The following CYFIP2 variants were observed in gnomAD, a reference collection of about 807,000 sequenced individuals.
The protein encoded by CYFIP2 is cytoplasmic FMR1-interacting protein 2.
Under a neutral mutation model 158.7 loss-of-function variants are expected in CYFIP2, and 29 were observed. The ratio of observed to expected loss-of-function variants is 0.18; its 90% CI spans 0.14 to 0.25. The LOEUF (loss-of-function observed/expected upper bound fraction) is 0.25. CYFIP2 is among the 10% of genes least tolerant of loss of function. The pLI, the probability that CYFIP2 is intolerant of heterozygous loss-of-function variation, is 1.00. For missense variants in CYFIP2, 852 were observed against 1,639.5 expected (o/e 0.52, Z 8.29); for synonymous variants, 585 against 617.6 (o/e 0.95, Z 0.78).
chr5:157,386,323 T>C (rs368524235), intron 28 of CYFIP2, among the ~76,000 whole-genome samples: 2 of 152,182 alleles, frequency 1.3e-5, no homozygotes, highest in East Asian at 3.9e-4. Flanking sequence ...GCTCAAGCAA[T>C]CTTCCTGCCT....
intron 21 of CYFIP2, among the ~76,000 whole-genome samples, chr5:157,334,700 T>C (rs879727325): frequency 6.8e-6 from 1 of 147,458 alleles, no homozygotes; most frequent in Admixed American, 6.7e-5. Context: ...AAAAAAAAAG[T>C]GAATGATACT....
chr5:157,326,013 G>C (rs1383671699), intron 17 of CYFIP2, 158 bp from the exon 18 acceptor site: 1 of 626,718 alleles, frequency 1.6e-6, no homozygotes, highest in African/African-American at 1.8e-5. Flanking sequence ...TGTAAAGTAA[G>C]TTGCTTCTAA....
intron 1 of CYFIP2, among the ~76,000 whole-genome samples, chr5:157,281,556 G>A (rs1756990343): frequency 6.6e-6 from 1 of 152,108 alleles, no homozygotes; most frequent in Non-Finnish European, 1.5e-5. Context: ...AGATGTCTTT[G>A]TGATCCATCA....
Position 157,285,487 on chromosome 5 carries a change from A to T in CYFIP2, c.117+9A>T. On this transcript the variant is annotated intron_variant, in intron 2 of 30. Transcript: ENST00000620254. ...CCTCCATCATGTACCAGGTAATGGAAATGGTAGATAGCACCAGGGGGCCCA... is the reference window on the plus strand; with the variant it reads ...CCTCCATCATGTACCAGGTAATGGATATGGTAGATAGCACCAGGGGGCCCA... The T allele has an allele frequency of 6.4e-7, 1 of 1,557,876 alleles. No homozygotes were observed. Among genetic ancestry groups the T allele is most frequent in the Non-Finnish European group, 8.7e-7 (1 of 1,150,052 alleles).
At chr5:157,374,375 G>T (rs1321053636) in intron 26 of CYFIP2, among the ~76,000 whole-genome samples, 1 of 152,148 alleles carries the variant, frequency 6.6e-6, no homozygotes, top group Non-Finnish European at 1.5e-5. Context: ...AACAATCTCT[G>T]ATTCTGCAGT....
intron 16 of CYFIP2, among the ~76,000 whole-genome samples, chr5:157,324,453 G>T (rs1326549199): frequency 1.3e-5 from 2 of 152,228 alleles, no homozygotes; most frequent in South Asian, 2.1e-4. Context: ...CTCTCGAGCT[G>T]CATCCCAGTC....
In CYFIP2 at chr5:157,341,097, C is replaced by T. The variant is rs1164973876; in HGVS notation, c.2613C>T (p.Thr871=). The part of the protein sequence containing the change: ...NRFVRTAIPF[T]QEPQRDKPAN... ...TTGTGCGGACTGCCATTCCTTTCACCCAAGAACCACAACGAGACAAACCTG... is the reference window on the plus strand; with the variant it reads ...TTGTGCGGACTGCCATTCCTTTCACTCAAGAACCACAACGAGACAAACCTG... The change falls in exon 23 of 31, where the codon ACC becomes ACT. Residue 871 remains threonine, a synonymous_variant. Transcript: ENST00000620254. 6.2e-7 allele frequency: 1 copy of T among 1,613,946 alleles called. No homozygotes were observed. Among genetic ancestry groups the T allele is most frequent in the South Asian group, 1.1e-5 (1 of 91,076 alleles).
intron 9 of CYFIP2, among the ~76,000 whole-genome samples, chr5:157,309,194 T>A (rs1759496326): frequency 6.6e-6 from 1 of 152,234 alleles, no homozygotes; most frequent in South Asian, 2.1e-4. Context: ...TTAAAGTGCT[T>A]GGCATAGTAC....
At chr5:157,296,593 C>A in intron 4 of CYFIP2, 80 bp from the exon 5 acceptor site, 1 of 1,380,916 alleles carries the variant, frequency 7.2e-7, no homozygotes, top group Admixed American at 1.7e-5. Flanking sequence ...GACCCTGTCT[C>A]AAAAACAAAA....
chr5:157,281,949 C>T (rs1757022265), intron 1 of CYFIP2, among the ~76,000 whole-genome samples: 1 of 152,228 alleles, frequency 6.6e-6, no homozygotes, highest in African/African-American at 2.4e-5. Flanking sequence ...AGTGCATGCT[C>T]TCCATACCAT....
chr5:157,297,147 G>C (rs576797838), intron 5 of CYFIP2, among the ~76,000 whole-genome samples: 3 of 152,366 alleles, frequency 2.0e-5, no homozygotes, highest in Non-Finnish European at 1.5e-5. Flanking sequence ...CTGAGACTCA[G>C]AGAGAGAGGC....
At chr5:157,346,911 C>T (rs1044742885) in intron 23 of CYFIP2, among the ~76,000 whole-genome samples, 1 of 152,204 alleles carries the variant, frequency 6.6e-6, no homozygotes, top group Admixed American at 6.5e-5. Context: ...CCCCTTTTCT[C>T]ATAAAGGGCC....
At chr5:157,274,124 C>G (rs1346955516) in intron 1 of CYFIP2, among the ~76,000 whole-genome samples, 1 of 120,838 alleles carries the variant, frequency 8.3e-6, no homozygotes, top group South Asian at 2.9e-4. Flanking sequence ...GAGTGAAACT[C>G]TGTGTAAAAA....
intron 27 of CYFIP2, 61 bp downstream of exon 27, chr5:157,382,723 T>G: frequency 6.6e-7 from 1 of 1,518,656 alleles, no homozygotes; most frequent in Non-Finnish European, 9.1e-7. Flanking sequence ...TCTCACTTCC[T>G]AATTGCAGTC....
intron 23 of CYFIP2, among the ~76,000 whole-genome samples, chr5:157,356,999 T>C (rs1763455523): frequency 6.6e-6 from 1 of 152,210 alleles, no homozygotes; most frequent in Non-Finnish European, 1.5e-5. Flanking sequence ...TACTGGCCCA[T>C]ACATTTCGAA....
At chr5:157,377,557 C>T (rs1765606449) in intron 26 of CYFIP2, among the ~76,000 whole-genome samples, 1 of 152,184 alleles carries the variant, frequency 6.6e-6, no homozygotes, top group Admixed American at 6.5e-5. Flanking sequence ...CTAGTTTTGA[C>T]TTATTTTGTC....
At chr5:157,281,965 G>A (rs1302827033) in intron 1 of CYFIP2, among the ~76,000 whole-genome samples, 1 of 152,052 alleles carries the variant, frequency 6.6e-6, no homozygotes, top group Non-Finnish European at 1.5e-5. Context: ...ACCATGTCCT[G>A]GAGATCACCC....
intron 13 of CYFIP2, among the ~76,000 whole-genome samples, chr5:157,315,915 A>G (rs922112293): frequency 1.7e-4 from 26 of 152,124 alleles, no homozygotes; most frequent in African/African-American, 6.0e-4. Flanking sequence ...GTGAAACCCC[A>G]TCTCTACTAA....
chr5:157,375,249 C>T (rs149955653), intron 26 of CYFIP2, among the ~76,000 whole-genome samples: 153 of 152,324 alleles, frequency 1.0e-3, no homozygotes, highest in African/African-American at 3.4e-3. Flanking sequence ...GAGGCCATAG[C>T]TCTGGTTTAT....
Sources: allele counts gnomAD v4.1 joint callset (sites outside exome capture counted in the v4.1 genomes callset), GRCh38; gene constraint gnomAD v4.1.1; transcripts MANE v1.5; gene names NCBI Gene and HGNC (gene_info 2026-07-23, HGNC 2026-07-21).